SPACA3: variants seen among roughly 807,000 people sequenced by gnomAD.
SPACA3 encodes the protein sperm acrosome membrane-associated protein 3.
In SPACA3, 21 loss-of-function variants were observed where a neutral mutation model predicts 24.5. The ratio of observed to expected loss-of-function variants is 0.86; its 90% CI spans 0.61 to 1.24. SPACA3 has a LOEUF of 1.24. Ranked by LOEUF, SPACA3 falls within the 50% of genes most tolerant of loss-of-function variation. The pLI, the probability that SPACA3 is intolerant of heterozygous loss-of-function variation, is 0.00. For synonymous variants in SPACA3, 115 were observed against 106.9 expected (o/e 1.08, Z -0.47); for missense variants, 278 against 275.5 (o/e 1.01, Z -0.06).
intron 1 of SPACA3, among the ~76,000 whole-genome samples, chr17:32,993,699 T>C (rs192676097): frequency 6.6e-6 from 1 of 152,050 alleles, no homozygotes; most frequent in Non-Finnish European, 1.5e-5. Flanking sequence ...AGTGGCGATT[T>C]TCCCCAGGAG....
chr17:32,993,026 G>T (rs759142216), intron 1 of SPACA3: 3 of 456,672 alleles, frequency 6.6e-6, no homozygotes, highest in Non-Finnish European at 1.4e-5. Context: ...AGGAAAGGAC[G>T]GTGCTCTCGG....
Position 32,997,714 on chromosome 17 carries a change from A to G in SPACA3, c.584A>G (p.Glu195Gly), listed in dbSNP as rs1374416634. The G allele has an allele frequency of 8.1e-6, 13 of 1,614,028 alleles. No individual in the cohort carries two copies. The highest frequency in any genetic ancestry group is 1.1e-5 in the Non-Finnish European group (13 of 1,179,914). Residue 195 changes from glutamate to glycine, a missense_variant and splice_region_variant, in exon 5 of 5, where the codon GAG becomes GGG. By Grantham distance (98) the Glu-to-Gly change is moderately conservative. Coordinates refer to ENST00000269053, the MANE Select transcript of SPACA3 (RefSeq NM_173847.5). ...TQEPQGLGYW[E>G]AWRHHCQGKD... ...TCTTCCCTGTTCTCCATCCTCAGGG[A>G]GGCCTGGAGGCATCACTGCCAGGGA...
chr17:32,996,979 C>T lies in SPACA3; in HGVS notation c.480C>T (p.Asn160=), dbSNP rs370908916. Residue 160 remains asparagine (N), a synonymous_variant, in exon 3 of 5, where the codon AAC becomes AAT. Coordinates refer to ENST00000269053, the MANE Select transcript of SPACA3 (RefSeq NM_173847.5). ...WCSNLTPNVP[N]VCRMYCSDLL... Reference sequence around the variant, plus strand: ...GCAACCTCACCCCGAACGTCCCCAACGTGTGCCGGATGTACTGCTCAGGTA... The same window carrying T: ...GCAACCTCACCCCGAACGTCCCCAATGTGTGCCGGATGTACTGCTCAGGTA... 1.5e-5 allele frequency: 24 copies of T among 1,574,684 alleles called. No homozygotes were observed. Among genetic ancestry groups the T allele is most frequent in the Admixed American group, 3.6e-5 (2 of 55,830 alleles).
At chr17:32,994,142 G>T (rs962948107) in intron 1 of SPACA3, among the ~76,000 whole-genome samples, 2 of 152,252 alleles carry the variant, frequency 1.3e-5, no homozygotes, top group South Asian at 2.1e-4. Flanking sequence ...AATACTGAGG[G>T]TTTTCATTTC....
Position 32,997,473 on chromosome 17 carries a change from C to T in SPACA3, c.531C>T (p.Thr177=), listed in dbSNP as rs755211956. 1.4e-5 allele frequency: 22 copies of T among 1,613,922 alleles called. No individual in the cohort carries two copies. In the Admixed American group the frequency reaches 1.7e-4, roughly 12 times the overall value. The change falls in exon 4 of 5, where the codon ACC becomes ACT. Residue 177 remains threonine, a synonymous_variant. Transcript: ENST00000269053. The stretch of plus-strand genomic sequence containing the variant: ...TGTTGAATCCTAATCTCAAGGATAC[C>T]GTTATCTGTGCCATGAAGATAACCC... ...SDLLNPNLKD[T]VICAMKITQE... is the part of the protein sequence containing the mutation.
At chr17:32,997,224 G>A (rs2091727534) in intron 3 of SPACA3, among the ~76,000 whole-genome samples, 1 of 152,098 alleles carries the variant, frequency 6.6e-6, no homozygotes, top group Admixed American at 6.5e-5. Flanking sequence ...GGAATGGAGG[G>A]AGGATTGTTT....
At chr17:32,992,746 A>G (rs28906) in intron 1 of SPACA3, 260,038 of 391,784 alleles carry the variant, frequency 0.66, 86,959 homozygotes, top group Admixed American at 0.75. Context: ...ATGTTCTAGA[A>G]AGCAAGGTCA....
At chr17:32,993,483 G>A (rs2091703548) in intron 1 of SPACA3, among the ~76,000 whole-genome samples, 1 of 152,174 alleles carries the variant, frequency 6.6e-6, no homozygotes, top group Admixed American at 6.5e-5. Flanking sequence ...AGCCAGAGAG[G>A]GAGGAGGAAA....
intron 1 of SPACA3, among the ~76,000 whole-genome samples, chr17:32,992,477 G>A (rs55812109): frequency 0.014 from 2,114 of 152,316 alleles, 47 homozygotes; most frequent in African/African-American, 0.047. Flanking sequence ...CCACAGAGCA[G>A]CTACTCCATG....
rs548141074 is a variant in SPACA3 at position 32,996,869 on chromosome 17, G to A, written c.370G>A (p.Gly124Ser). Residue 124 changes from glycine (G) to serine (S), a missense_variant, in exon 3 of 5, where the codon GGT becomes AGT. Gly to Ser is a moderately conservative substitution (Grantham distance 56). Transcript: ENST00000269053. ...DWVCLAYFTS[G>S]FNAAALDYEA... is the part of the protein sequence containing the mutation. ...GGTCTGCCTTGCTTATTTCACAAGCGGTTTCAACGCAGCTGCTTTGGACTA... is the reference window on the plus strand; with the variant it reads ...GGTCTGCCTTGCTTATTTCACAAGCAGTTTCAACGCAGCTGCTTTGGACTA... 3.1e-5 allele frequency: 49 copies of A among 1,604,346 alleles called. No homozygotes were observed. Among genetic ancestry groups the A allele is most frequent in the African/African-American group, 1.2e-4 (9 of 74,546 alleles).
At chr17:32,994,402 G>A (rs1037196614) in intron 1 of SPACA3, among the ~76,000 whole-genome samples, 3 of 152,210 alleles carry the variant, frequency 2.0e-5, no homozygotes, top group East Asian at 1.9e-4. Context: ...GCAGAGGGGG[G>A]CTTCCAACCC....
At chr17:32,993,149 G>A (rs2091701043) in intron 1 of SPACA3, 4 of 361,940 alleles carry the variant, frequency 1.1e-5, no homozygotes, top group South Asian at 8.6e-5. Context: ...GTAAATGTGT[G>A]GCCCATCATG....
In SPACA3 at chr17:32,995,448, G is replaced by A. The variant is rs796788961; in HGVS notation, c.74G>A (p.Gly25Glu). 1.2e-6 allele frequency: 2 copies of A among 1,612,200 alleles called. No homozygotes were observed. Among genetic ancestry groups the A allele is most frequent in the African/African-American group, 2.7e-5 (2 of 75,006 alleles). Residue 25 changes from glycine (G) to glutamate (E), a missense_variant, in exon 2 of 5, where the codon GGA becomes GAA. Transcript: ENST00000269053. The part of the protein sequence containing the change: ...SSPVSSPSVS[G>E]PRRLVSCLSS... Reference sequence around the variant, plus strand: ...CCTGTTTCTTCTCCTTCTGTGAGTGGACCACGGAGGCTGGTGAGCTGCCTG... The same window carrying A: ...CCTGTTTCTTCTCCTTCTGTGAGTGAACCACGGAGGCTGGTGAGCTGCCTG...
rs757483401 is a variant in SPACA3 at position 32,995,579 on chromosome 17, A to T, written c.205A>T (p.Ile69Phe). 10 of 1,613,906 alleles carry T rather than the reference A, an allele frequency of 6.2e-6. No homozygotes were observed. In the Admixed American group the frequency reaches 1.5e-4, roughly 24 times the overall value. Residue 69 changes from isoleucine to phenylalanine, a missense_variant, in exon 2 of 5, where the codon ATC becomes TTC. By Grantham distance (21) the Ile-to-Phe change is conservative (BLOSUM62 0). Coordinates refer to ENST00000269053, the MANE Select transcript of SPACA3 (RefSeq NM_173847.5). The part of the protein sequence containing the change: ...ALRRRWCPAG[I>F]MLLALVCLLS... Reference sequence around the variant, plus strand: ...CAGAAGGCGGTGGTGCCCAGCTGGGATCATGTTGTTGGCCCTGGTCTGTCT... The same window carrying T: ...CAGAAGGCGGTGGTGCCCAGCTGGGTTCATGTTGTTGGCCCTGGTCTGTCT...
chr17:32,992,929 G>C (rs1229152224), intron 1 of SPACA3: 8 of 471,000 alleles, frequency 1.7e-5, no homozygotes, highest in Admixed American at 7.0e-5. Context: ...AATTTGTTCT[G>C]ATGGATGTGT....
Position 32,997,764 on chromosome 17 carries a change from G to A in SPACA3, c.634G>A (p.Gly212Ser), listed in dbSNP as rs142148066. 120 of 1,614,236 alleles carry A rather than the reference G, an allele frequency of 7.4e-5. 1 individual carries two copies. The African/African-American group carries it at 1.4e-3, about 19-fold the overall frequency. The change falls in exon 5 of 5, where the codon GGC (glycine) becomes AGC (serine). Residue 212 changes from glycine (G) to serine (S), a missense_variant. By Grantham distance (56) the Gly-to-Ser change is moderately conservative. Coordinates refer to ENST00000269053, the MANE Select transcript of SPACA3 (RefSeq NM_173847.5). ...QGKDLTEWVD[G>S]CDF ...AAAAGACCTCACTGAATGGGTGGAT[G>A]GCTGTGACTTCTAGGATGGACGGAA...
chr17:32,995,015 A>G (rs891985083), intron 1 of SPACA3, among the ~76,000 whole-genome samples: 1 of 152,186 alleles, frequency 6.6e-6, no homozygotes, highest in African/African-American at 2.4e-5. Flanking sequence ...ACCTTGTTTC[A>G]GTTAAGATCT....
At chr17:32,995,093 C>T (rs935868862) in intron 1 of SPACA3, among the ~76,000 whole-genome samples, 4 of 152,162 alleles carry the variant, frequency 2.6e-5, no homozygotes, top group African/African-American at 4.8e-5. Context: ...ATGAACACAC[C>T]GCCTGGCCAT....
At position 32,995,694 on chromosome 17, in the gene SPACA3, A is replaced by C; in HGVS notation, c.320A>C (p.Tyr107Ser). 6.2e-7 allele frequency: 1 copy of C among 1,613,702 alleles called. No homozygotes were observed. Among genetic ancestry groups the C allele is most frequent in the Non-Finnish European group, 8.5e-7 (1 of 1,179,632 alleles). ...CTACATGACTTCGGGCTGGACGGATACCGGGGATACAGCCTGGCTGACTGT... is the reference window on the plus strand; with the variant it reads ...CTACATGACTTCGGGCTGGACGGATCCCGGGGATACAGCCTGGCTGACTGT... ...RVLHDFGLDG[Y>S]RGYSLADWVC... The change falls in exon 2 of 5, where the codon TAC becomes TCC. Residue 107 changes from tyrosine (Y) to serine (S), a missense_variant. Transcript: ENST00000269053.
Sources: gnomAD v4.1 joint callset for allele counts (sites outside exome capture counted in the v4.1 genomes callset) on GRCh38, gnomAD v4.1.1 for gene constraint, MANE v1.5 for transcripts, NCBI Gene and HGNC (gene_info 2026-07-23, HGNC 2026-07-21) for gene names.